Variants in EPHA6 observed in about 807,000 individuals in gnomAD.
EPHA6 encodes ephrin type-A receptor 6.
EPHA6 carries 50 observed loss-of-function variants against 112.0 expected under a neutral mutation model. The ratio of observed to expected loss-of-function variants is 0.45; its 90% CI spans 0.36 to 0.56. The LOEUF (loss-of-function observed/expected upper bound fraction) is 0.56. Among genes scored for constraint, EPHA6 ranks in the 20% least tolerant of loss-of-function variants. The probability of loss-of-function intolerance (pLI) is 0.00; values close to 1 mark genes in which losing one functional copy is unlikely to be tolerated. For synonymous variants in EPHA6, 529 were observed against 490.7 expected (o/e 1.08, Z -1.03); for missense variants, 1,280 against 1,417.4 (o/e 0.90, Z 1.56).
chr3:97,080,854 T>C (rs901528700), intron 3 of EPHA6, among the ~76,000 whole-genome samples: 4 of 151,998 alleles, frequency 2.6e-5, no homozygotes, highest in African/African-American at 9.7e-5. Flanking sequence ...TTGGAATATA[T>C]AGGCTTGATT....
At chr3:97,668,551 C>T (rs1022225081) in intron 14 of EPHA6, among the ~76,000 whole-genome samples, 1 of 152,080 alleles carries the variant, frequency 6.6e-6, no homozygotes, top group East Asian at 1.9e-4. Flanking sequence ...AATATTTTAG[C>T]CAGTTGTCTT....
chr3:97,507,266 C>A (rs2092272307), intron 10 of EPHA6, among the ~76,000 whole-genome samples: 1 of 152,136 alleles, frequency 6.6e-6, no homozygotes, highest in Non-Finnish European at 1.5e-5. Flanking sequence ...GTGCTTCCAG[C>A]TTTTGCCCAT....
chr3:97,243,146 C>T (rs1047841871), intron 4 of EPHA6, among the ~76,000 whole-genome samples: 2 of 151,838 alleles, frequency 1.3e-5, no homozygotes, highest in African/African-American at 4.8e-5. Context: ...TGCTCATCCC[C>T]TCCTTAGACT....
intron 5 of EPHA6, among the ~76,000 whole-genome samples, chr3:97,299,551 C>A (rs1419417384): frequency 6.6e-6 from 1 of 152,014 alleles, no homozygotes; most frequent in Admixed American, 6.6e-5. Context: ...AGATGAGTAT[C>A]TTTCTTATTG....
At chr3:96,911,016 T>G (rs568437777) in intron 2 of EPHA6, among the ~76,000 whole-genome samples, 2 of 152,078 alleles carry the variant, frequency 1.3e-5, no homozygotes, top group Non-Finnish European at 2.9e-5. Context: ...CTTTGATATA[T>G]TTGCTTGAAA....
intron 5 of EPHA6, among the ~76,000 whole-genome samples, chr3:97,350,412 T>C (rs1196817550): frequency 6.6e-6 from 1 of 152,138 alleles, no homozygotes; most frequent in East Asian, 1.9e-4. Context: ...TTTTGTTGTG[T>C]TGAATATTTT....
chr3:97,725,461 G>A (rs372117244), intron 15 of EPHA6, among the ~76,000 whole-genome samples: 1 of 152,110 alleles, frequency 6.6e-6, no homozygotes, highest in African/African-American at 2.4e-5. Context: ...ATTCCCCAAA[G>A]CAATGCAGTT....
chr3:97,324,856 T>C (rs1169676440), intron 5 of EPHA6, among the ~76,000 whole-genome samples: 1 of 152,050 alleles, frequency 6.6e-6, no homozygotes, highest in Non-Finnish European at 1.5e-5. Flanking sequence ...CTAAGTTTTT[T>C]AAAGAAAAAT....
chr3:97,143,414 C>T (rs77701285), intron 3 of EPHA6, among the ~76,000 whole-genome samples: 1,564 of 151,768 alleles, frequency 0.01, 10 homozygotes, highest in Non-Finnish European at 0.017. Flanking sequence ...CATGAAATGC[C>T]GTATTTACAA....
chr3:97,054,122 G>C (rs1291481080), intron 3 of EPHA6, among the ~76,000 whole-genome samples: 1 of 150,818 alleles, frequency 6.6e-6, no homozygotes, highest in East Asian at 2.0e-4. Flanking sequence ...AGTGCAAAAA[G>C]CATGTTACAA....
intron 14 of EPHA6, among the ~76,000 whole-genome samples, chr3:97,662,065 G>A (rs975219035): frequency 2.6e-5 from 4 of 152,120 alleles, no homozygotes; most frequent in African/African-American, 4.8e-5. Context: ...ATAGGTCCTA[G>A]TGACCCTTTG....
At chr3:97,547,390 A>G (rs958496923) in intron 11 of EPHA6, among the ~76,000 whole-genome samples, 2 of 152,180 alleles carry the variant, frequency 1.3e-5, no homozygotes, top group Admixed American at 1.3e-4. Context: ...GATGTGGGTG[A>G]ACCGCAAATG....
chr3:97,101,372 T>C (rs1350655389), intron 3 of EPHA6, among the ~76,000 whole-genome samples: 2 of 152,020 alleles, frequency 1.3e-5, no homozygotes, highest in Non-Finnish European at 2.9e-5. Flanking sequence ...CCCCATGATA[T>C]GCCCGCTCTC....
intron 3 of EPHA6, among the ~76,000 whole-genome samples, chr3:97,067,608 G>T (rs2046218795): frequency 6.6e-6 from 1 of 151,920 alleles, no homozygotes; most frequent in South Asian, 2.1e-4. Context: ...GGGAATGGAA[G>T]AGAACCCAAG....
intron 3 of EPHA6, among the ~76,000 whole-genome samples, chr3:97,220,118 T>A (rs1222924960): frequency 1.3e-5 from 2 of 152,180 alleles, no homozygotes; most frequent in Non-Finnish European, 2.9e-5. Context: ...CTCATCTCCA[T>A]CTGAGCCCAC....
At chr3:97,200,812 G>T (rs1014473758) in intron 3 of EPHA6, among the ~76,000 whole-genome samples, 1 of 152,142 alleles carries the variant, frequency 6.6e-6, no homozygotes, top group African/African-American at 2.4e-5. Context: ...AGTGAAAATA[G>T]ATGTAGTCAT....
intron 15 of EPHA6, among the ~76,000 whole-genome samples, chr3:97,735,191 T>A (rs2035201981): frequency 6.6e-6 from 1 of 152,082 alleles, no homozygotes; most frequent in Admixed American, 6.6e-5. Flanking sequence ...TAACCACATG[T>A]GACTGTGTGC....
intron 10 of EPHA6, among the ~76,000 whole-genome samples, chr3:97,517,280 C>A (rs757703049): frequency 2.6e-4 from 39 of 152,028 alleles, no homozygotes; most frequent in South Asian, 6.2e-4. Flanking sequence ...AAATACACAC[C>A]AGGAAGAACT....
chr3:97,506,901 T>C (rs1403821578), intron 10 of EPHA6, among the ~76,000 whole-genome samples: 1 of 152,160 alleles, frequency 6.6e-6, no homozygotes, highest in Non-Finnish European at 1.5e-5. Flanking sequence ...TTGTAAGTTG[T>C]ATTCCTAGGT....
Sources: allele counts gnomAD v4.1 joint callset (sites outside exome capture counted in the v4.1 genomes callset), GRCh38; gene constraint gnomAD v4.1.1; transcripts MANE v1.5; gene names NCBI Gene and HGNC (gene_info 2026-07-23, HGNC 2026-07-21).